MTSS2: variants seen among roughly 807,000 people sequenced by gnomAD.
The protein encoded by MTSS2 is MTSS I-BAR domain containing 2, also known as protein MTSS 2.
In MTSS2, 27 loss-of-function variants were observed where a neutral mutation model predicts 67.1. The ratio of observed to expected loss-of-function variants is 0.40; its 90% confidence interval spans 0.30 to 0.55. MTSS2 has a LOEUF of 0.55. MTSS2 is among the 20% of genes least tolerant of loss of function. The pLI is 0.43. For missense variants in MTSS2, 1,171 were observed against 1,067.8 expected (o/e 1.10, Z -1.35); for synonymous variants, 624 against 468.6 (o/e 1.33, Z -4.28).
In MTSS2 at chr16:70,664,166, G is replaced by A. The variant is rs746747316; in HGVS notation, c.1755C>T (p.Pro585=). The part of the protein sequence containing the change: ...RRALSSAGPI[P]IRPPIVPVKT... Reference sequence around the variant, plus strand: ...TCACAGGGACGATGGGCGGCCGGATGGGGATGGGGCCAGCGCTGGACAGGG... The same window carrying A: ...TCACAGGGACGATGGGCGGCCGGATAGGGATGGGGCCAGCGCTGGACAGGG... The change falls in exon 15 of 15, where the codon CCC becomes CCT. Residue 585 remains proline, a synonymous_variant. Coordinates refer to ENST00000338779, the MANE Select transcript of MTSS2 (RefSeq NM_138383.3). 5 of 1,606,212 alleles carry A rather than the reference G, an allele frequency of 3.1e-6. No individual in the cohort carries two copies. The highest frequency in any genetic ancestry group is 2.2e-5 in the South Asian group (2 of 90,994).
rs2053228096 is a variant in MTSS2 at position 70,679,505 on chromosome 16, G to A, written c.457+125C>T. On this transcript the variant is annotated intron_variant, in intron 6 of 14. Coordinates refer to ENST00000338779, the MANE Select transcript of MTSS2 (RefSeq NM_138383.3). Reference sequence around the variant, plus strand: ...CTCCCTCTGTCCCACCCAACAGGTTGGAGGGTCCTGTGTCGGGGACAGCGC... The same window carrying A: ...CTCCCTCTGTCCCACCCAACAGGTTAGAGGGTCCTGTGTCGGGGACAGCGC... 44 of 1,247,830 alleles carry A rather than the reference G, an allele frequency of 3.5e-5. No individual in the cohort carries two copies. In the South Asian group the frequency reaches 6.2e-4, roughly 17 times the overall value. The allele number at this position is 1,247,830 out of a possible 1,614,324, so 77.3% of individuals were successfully genotyped here. A position where few individuals can be genotyped will look rare whatever the true frequency, so the allele number is the denominator to read the frequency against.
intron 1 of MTSS2, among the ~76,000 whole-genome samples, chr16:70,681,801 G>C (rs1391880949): frequency 6.6e-6 from 1 of 152,250 alleles, no homozygotes; most frequent in Admixed American, 6.5e-5. Context: ...CCTGGCCACC[G>C]AGTTGTCCAA....
Position 70,664,153 on chromosome 16 carries a change from T to C in MTSS2, c.1768A>G (p.Ile590Val). Reference protein sequence around the residue: ...SAGPIPIRPPIVPVKTPTVPD... With the variant: ...SAGPIPIRPPVVPVKTPTVPD... The stretch of plus-strand genomic sequence containing the variant: ...ACCGTGGGCGTCTTCACAGGGACGA[T>C]GGGCGGCCGGATGGGGATGGGGCCA... The change falls in exon 15 of 15, where the codon ATC (isoleucine) becomes GTC (valine). Residue 590 changes from isoleucine (I) to valine (V), a missense_variant. Physicochemically the swap from Ile to Val is conservative, Grantham distance 29. Transcript: ENST00000338779. 1.9e-6 allele frequency: 3 copies of C among 1,608,070 alleles called. No individual in the cohort carries two copies. The highest frequency in any genetic ancestry group is 2.5e-6 in the Non-Finnish European group (3 of 1,179,570).
intron 10 of MTSS2, among the ~76,000 whole-genome samples, chr16:70,676,560 C>T (rs2053121628): frequency 6.6e-6 from 1 of 152,192 alleles, no homozygotes; most frequent in Non-Finnish European, 1.5e-5. Context: ...GGAGATGACA[C>T]CATTCCTGAT....
chr16:70,680,918 G>GGGGGGGGGGGGGGGGGGGGGGGGCCCCC, intron 2 of MTSS2, 46 bp downstream of exon 2: 1 of 1,097,914 alleles, frequency 9.1e-7, no homozygotes, highest in Non-Finnish European at 1.3e-6. Flanking sequence ...CGGGGGGGGG[G>GGGGGGGGGGGGGGGGGGGGGGGGCCCCC]CCTCTGCCTG....
At position 70,677,829 on chromosome 16, in the gene MTSS2, G is replaced by C. The variant is rs775390091; in HGVS notation, c.695C>G (p.Thr232Arg). 6.2e-7 allele frequency: 1 copy of C among 1,612,136 alleles called. No homozygotes were observed. Residue 232 changes from threonine to arginine, a missense_variant, in exon 9 of 15, where the codon ACA becomes AGA. Transcript: ENST00000338779. The stretch of plus-strand genomic sequence containing the variant: ...GGGAGGCAGTTTGTGGGGTTCTGCT[G>C]TCAGCACCACCAAGTCGTCGATGAT... ...QGIIDDLVVL[T>R]AEPHKLPPAS...
chr16:70,665,271 C>G (rs768507898), intron 12 of MTSS2, 175 bp from the exon 13 acceptor site: 81 of 936,128 alleles, frequency 8.7e-5, no homozygotes, highest in Non-Finnish European at 1.2e-4. Context: ...TCCCACCAGG[C>G]CCAGGGGTAA....
chr16:70,670,770 C>A (rs1364590530), intron 11 of MTSS2, among the ~76,000 whole-genome samples: 1 of 151,756 alleles, frequency 6.6e-6, no homozygotes, highest in Non-Finnish European at 1.5e-5. Flanking sequence ...TCGAGACCAG[C>A]CTAGGAAACA....
At position 70,679,779 on chromosome 16, in the gene MTSS2, C is replaced by A; in HGVS notation, c.382+7G>T. 2 of 1,611,640 alleles carry A rather than the reference C, an allele frequency of 1.2e-6. No individual in the cohort carries two copies. The highest frequency in any genetic ancestry group is 8.5e-7 in the Non-Finnish European group (1 of 1,179,484). ...GGGTGGGAAGCCCGGCTCCGCGCCA[C>A]CCTCACCTTTCGCGTGGTCCTTGTC... On this transcript the variant is annotated splice_region_variant and intron_variant, in intron 5 of 14. Coordinates refer to ENST00000338779, the MANE Select transcript of MTSS2 (RefSeq NM_138383.3).
chr16:70,662,779 ACCT>A lies in MTSS2; in HGVS notation c.*895_*897del, dbSNP rs1230149565. Reference sequence around the variant, plus strand: ...TATTATATTCATAAAATGACCCCACACCTCCTACTGCTCCAGTCACCCCCCGAA... The same window carrying A: ...TATTATATTCATAAAATGACCCCACACCTACTGCTCCAGTCACCCCCCGAA... On this transcript the variant is annotated 3_prime_UTR_variant, in exon 15 of 15. Transcript: ENST00000338779. 6.6e-6 allele frequency: 1 copy of A among 152,090 alleles called. No individual in the cohort carries two copies. Among genetic ancestry groups the A allele is most frequent in the Non-Finnish European group, 1.5e-5 (1 of 68,024 alleles). 9.4% of individuals were successfully genotyped at this position (152,090 alleles called of 1,614,324 possible). A position where few individuals can be genotyped will look rare whatever the true frequency, so the allele number is the denominator to read the frequency against.
In MTSS2 at chr16:70,679,976, G is replaced by A. The variant is rs755498515; in HGVS notation, c.285C>T (p.Phe95=). 1 of 1,509,398 alleles carries A rather than the reference G, an allele frequency of 6.6e-7. No individual in the cohort carries two copies. The highest frequency in any genetic ancestry group is 2.5e-5 in the East Asian group (1 of 39,672). 93.5% of individuals were successfully genotyped at this position (1,509,398 alleles called of 1,614,324 possible). A position where few individuals can be genotyped will look rare whatever the true frequency, so the allele number is the denominator to read the frequency against. ...HRSIETKLRQ[F]TNALLESLIN... is the part of the protein sequence containing the mutation. ...CGCCCGCAGCGCCCACTCACTTGGT[G>A]AACTGCCGCAGCTTGGTCTCGATGC... Residue 95 remains phenylalanine, a synonymous_variant, in exon 4 of 15, where the codon TTC becomes TTT. Coordinates refer to ENST00000338779, the MANE Select transcript of MTSS2 (RefSeq NM_138383.3).
Position 70,665,045 on chromosome 16 carries a change from G to A in MTSS2, c.1180C>T (p.Arg394Trp), listed in dbSNP as rs752700901. The A allele has an allele frequency of 1.1e-5, 18 of 1,597,486 alleles. No individual in the cohort carries two copies. The highest frequency in any genetic ancestry group is 6.7e-5 in the African/African-American group (5 of 74,922). The change falls in exon 13 of 15, where the codon CGG becomes TGG. Residue 394 changes from arginine to tryptophan, a missense_variant. By Grantham distance (101) the Arg-to-Trp change is moderately radical. Around this residue, in one of 2 missense-constraint regions of MTSS2, gnomAD observed 924 missense variants for 756.0 expected, o/e 1.22. Coordinates refer to ENST00000338779, the MANE Select transcript of MTSS2 (RefSeq NM_138383.3). ...AGGAGCTCCACTCGGTCCTTCCTCC[G>A]CTGCAGAGTGGCGCCTGAGGGCTGC... ...HEQPSGATLQRRKDRVELLRD... is the reference protein window; with the variant it reads ...HEQPSGATLQWRKDRVELLRD...
chr16:70,682,650 C>G (rs1396449896), intron 1 of MTSS2, among the ~76,000 whole-genome samples: 1 of 134,800 alleles, frequency 7.4e-6, no homozygotes, highest in Admixed American at 7.6e-5. Context: ...CCTGGACCCG[C>G]CCCCCTCCCC....
chr16:70,663,127 G>A lies in MTSS2; in HGVS notation c.*550C>T, dbSNP rs761999037. ...CCTGGCCGCCCAACTCCAACCTGCC[G>A]CCCTGGCCCCCAGCCCCCAGCAGAC... is the stretch of plus-strand genomic sequence containing the variant. On this transcript the variant is annotated 3_prime_UTR_variant, in exon 15 of 15. Transcript: ENST00000338779. 36 of 151,430 alleles carry A rather than the reference G, an allele frequency of 2.4e-4. No homozygotes were observed. Among genetic ancestry groups the A allele is most frequent in the Non-Finnish European group, 3.1e-4 (21 of 68,276 alleles). The allele number at this position is 151,430 out of a possible 1,614,324, so 9.4% of individuals were successfully genotyped here. A position where few individuals can be genotyped will look rare whatever the true frequency, so the allele number is the denominator to read the frequency against.
chr16:70,681,095 C>T (rs2053292846), intron 1 of MTSS2, 70 bp from the exon 2 acceptor site: 3 of 1,428,438 alleles, frequency 2.1e-6, no homozygotes, highest in Non-Finnish European at 2.9e-6. Context: ...GGGCCGGGCT[C>T]CCTGCATGCT....
chr16:70,667,278 C>CAAAAAAA (rs34779308), intron 11 of MTSS2, among the ~76,000 whole-genome samples: 7 of 69,770 alleles, frequency 1.0e-4, no homozygotes, highest in African/African-American at 3.5e-4. Context: ...GACTCTGTCT[C>CAAAAAAA]AAAAAAAAAA....
chr16:70,676,945 A>G lies in MTSS2; in HGVS notation c.766T>C (p.Trp256Arg). The change falls in exon 10 of 15, where the codon TGG becomes CGG. Residue 256 changes from tryptophan (W) to arginine (R), a missense_variant. Physicochemically the swap from Trp to Arg is moderately radical, Grantham distance 101 (BLOSUM62 -3). Coordinates refer to ENST00000338779, the MANE Select transcript of MTSS2 (RefSeq NM_138383.3). ...IKDLKGSDYS[W>R]SYQTPPSSPS... Reference sequence around the variant, plus strand: ...GATGAGGGTGGGGTCTGGTAGGACCAGCTGTAGTCCGAGCCCTTTAGGTCT... The same window carrying G: ...GATGAGGGTGGGGTCTGGTAGGACCGGCTGTAGTCCGAGCCCTTTAGGTCT... The G allele has an allele frequency of 6.2e-7, 1 of 1,613,884 alleles. No homozygotes were observed. The highest frequency in any genetic ancestry group is 1.3e-5 in the African/African-American group (1 of 74,976).
chr16:70,672,515 T>C (rs2052974059), intron 11 of MTSS2, among the ~76,000 whole-genome samples: 1 of 151,512 alleles, frequency 6.6e-6, no homozygotes, highest in Non-Finnish European at 1.5e-5. Context: ...TTTAAAAATG[T>C]TTTTGGTGGT....
chr16:70,675,012 C>T (rs1404801915), intron 10 of MTSS2, among the ~76,000 whole-genome samples: 1 of 151,986 alleles, frequency 6.6e-6, no homozygotes, highest in Admixed American at 6.6e-5. Context: ...ACTTGGCAGG[C>T]TGAGGCACGA....
Sources: gnomAD v4.1 joint callset for allele counts (sites outside exome capture counted in the v4.1 genomes callset) on GRCh38, gnomAD v4.1.1 for gene constraint, gnomAD v4.1.1 regional missense constraint, MANE v1.5 for transcripts, NCBI Gene and HGNC (gene_info 2026-07-23, HGNC 2026-07-21) for gene names.